TPTE: variants seen among roughly 807,000 people sequenced by gnomAD.
TPTE encodes the protein putative tyrosine-protein phosphatase TPTE.
A neutral mutation model predicts 84.1 loss-of-function variants in TPTE; 59 were observed. The ratio of observed to expected loss-of-function variants is 0.70; its 90% CI spans 0.57 to 0.87. The LOEUF is 0.87. TPTE is among the 40% of genes least tolerant of loss of function. The probability of loss-of-function intolerance (pLI) is 0.00; values close to 1 mark genes in which losing one functional copy is unlikely to be tolerated. For synonymous variants in TPTE, 130 were observed against 223.5 expected, an observed-to-expected ratio of 0.58 and a Z score of 3.73; for missense variants, 382 against 659.6, an observed-to-expected ratio of 0.58 and a Z score of 4.61.
intron 14 of TPTE, among the ~76,000 whole-genome samples, chr21:10,574,511 A>G (rs868323427): frequency 2.4e-3 from 364 of 151,668 alleles, no homozygotes; most frequent in African/African-American, 7.8e-3. Flanking sequence ...AAGATGGCCA[A>G]TTAGAAGCAG....
chr21:10,540,106 A>G (rs565678921), intron 4 of TPTE, among the ~76,000 whole-genome samples: 10 of 152,422 alleles, frequency 6.6e-5, no homozygotes, highest in Admixed American at 1.3e-4. Flanking sequence ...AGGAAGTTAC[A>G]TGTTGTCTTA....
intron 17 of TPTE, among the ~76,000 whole-genome samples, chr21:10,581,805 T>A (rs1180530693): frequency 1.3e-5 from 2 of 152,300 alleles, no homozygotes; most frequent in African/African-American, 4.8e-5. Flanking sequence ...CAATCTCGGC[T>A]CATTGCAGCC....
At chr21:10,534,454 TG>T (rs2074233333) in intron 3 of TPTE, among the ~76,000 whole-genome samples, 1 of 152,312 alleles carries the variant, frequency 6.6e-6, no homozygotes, top group African/African-American at 2.4e-5. Flanking sequence ...TTGTTTGTTT[TG>T]TTTTTTTTAG....
intron 8 of TPTE, among the ~76,000 whole-genome samples, chr21:10,557,866 A>G (rs1226503328): frequency 5.2e-5 from 8 of 152,428 alleles, no homozygotes; most frequent in Admixed American, 1.3e-4. Context: ...TATTAAGCTC[A>G]GTACCCAAAT....
intron 14 of TPTE, among the ~76,000 whole-genome samples, chr21:10,571,576 TA>T (rs1314025219): frequency 2.0e-5 from 3 of 152,306 alleles, no homozygotes; most frequent in African/African-American, 7.2e-5. Flanking sequence ...AACTATGAGA[TA>T]CAGAGAATTC....
rs373095461 is a variant in TPTE at position 10,605,493 on chromosome 21, G to A, written c.1597G>A (p.Val533Met). ...ARRIYPSDFA[V>M]EILFGEKMTS... is the part of the protein sequence containing the mutation. ...GAGAATTTATCCATCAGATTTTGCC[G>A]TGGAGATACTTTTTGGCGAGAAAAT... The change falls in exon 24 of 24, where the codon GTG becomes ATG. Residue 533 changes from valine (V) to methionine (M), a missense_variant. Physicochemically the swap from Val to Met is conservative, Grantham distance 21 (BLOSUM62 1). Around this residue, in one of 10 missense-constraint regions of TPTE, gnomAD observed 120 missense variants for 79.1 expected, o/e 1.52. Coordinates refer to ENST00000618007, the MANE Select transcript of TPTE (RefSeq NM_199261.4). The A allele has an allele frequency of 2.5e-5, 40 of 1,613,968 alleles. No homozygotes were observed. Among genetic ancestry groups the A allele is most frequent in the Non-Finnish European group, 2.8e-5 (33 of 1,179,916 alleles).
intron 6 of TPTE, 67 bp downstream of exon 6, chr21:10,542,515 CAT>C: frequency 6.3e-7 from 1 of 1,581,828 alleles, no homozygotes; most frequent in Non-Finnish European, 8.7e-7. Flanking sequence ...CACACAGGCA[CAT>C]GAGCAAGTAT....
At chr21:10,564,537 A>AAAAACC (rs1232303939) in intron 10 of TPTE, among the ~76,000 whole-genome samples, 1 of 152,294 alleles carries the variant, frequency 6.6e-6, no homozygotes, top group African/African-American at 2.4e-5. Flanking sequence ...AAACAAACCC[A>AAAAACC]AAAACCAAAA....
intron 3 of TPTE, among the ~76,000 whole-genome samples, chr21:10,532,250 T>G (rs2074191273): frequency 1.3e-5 from 2 of 152,308 alleles, no homozygotes; most frequent in South Asian, 4.1e-4. Context: ...TGTTAGTGTT[T>G]TATATCCGTC....
intron 14 of TPTE, 115 bp downstream of exon 14, chr21:10,570,664 G>A: frequency 6.5e-7 from 1 of 1,543,478 alleles, no homozygotes. Context: ...CTCTTTCAAG[G>A]AAAAAAAATC....
At chr21:10,605,286 A>C (rs527993732) in intron 23 of TPTE, 131 bp from the exon 24 acceptor site, 1 of 1,284,480 alleles carries the variant, frequency 7.8e-7, no homozygotes, top group East Asian at 2.6e-5. Context: ...ACTGAGACAC[A>C]AAAAAAGGGC....
chr21:10,599,511 C>T (rs1359160845), intron 21 of TPTE, among the ~76,000 whole-genome samples: 1 of 152,312 alleles, frequency 6.6e-6, no homozygotes, highest in African/African-American at 2.4e-5. Context: ...AATATCACAT[C>T]TCAAGTGTAA....
At chr21:10,531,342 AAG>A (rs2074175297) in intron 3 of TPTE, among the ~76,000 whole-genome samples, 1 of 152,308 alleles carries the variant, frequency 6.6e-6, no homozygotes, top group Non-Finnish European at 1.5e-5. Flanking sequence ...GTGGTTTAAA[AAG>A]AGACAAGCGG....
At chr21:10,537,404 C>T (rs1275017669) in intron 3 of TPTE, among the ~76,000 whole-genome samples, 15 of 152,424 alleles carry the variant, frequency 9.8e-5, no homozygotes, top group East Asian at 5.8e-4. Flanking sequence ...AGAGGCTGGC[C>T]GTGGTGGCTC....
At chr21:10,558,468 C>T (rs1408061712) in intron 8 of TPTE, among the ~76,000 whole-genome samples, 269 of 152,308 alleles carry the variant, frequency 1.8e-3, no homozygotes, top group African/African-American at 5.0e-3. Flanking sequence ...AATGGTATCT[C>T]ATTGTGGTTT....
chr21:10,549,811 G>C (rs1010318973), intron 7 of TPTE, among the ~76,000 whole-genome samples: 3 of 152,306 alleles, frequency 2.0e-5, no homozygotes, highest in South Asian at 4.1e-4. Flanking sequence ...TTGAGGGAGA[G>C]CTAGACATCT....
At chr21:10,589,794 C>T (rs1400864018) in intron 17 of TPTE, among the ~76,000 whole-genome samples, 1 of 152,312 alleles carries the variant, frequency 6.6e-6, no homozygotes, top group Admixed American at 6.5e-5. Flanking sequence ...ATTGTCCTCC[C>T]CAGGATCTGG....
chr21:10,544,550 A>G (rs2074430700), intron 7 of TPTE, among the ~76,000 whole-genome samples: 1 of 152,306 alleles, frequency 6.6e-6, no homozygotes, highest in African/African-American at 2.4e-5. Flanking sequence ...ATGCCAGACA[A>G]ATTTTTTGTA....
intron 11 of TPTE, among the ~76,000 whole-genome samples, chr21:10,568,445 G>T (rs1278688865): frequency 5.9e-5 from 9 of 152,306 alleles, no homozygotes; most frequent in Non-Finnish European, 1.3e-4. Context: ...GGAAACTAAA[G>T]AGTATATGAA....
Sources: gnomAD v4.1 joint callset for allele counts (sites outside exome capture counted in the v4.1 genomes callset) on GRCh38, gnomAD v4.1.1 for gene constraint, gnomAD v4.1.1 regional missense constraint, MANE v1.5 for transcripts, NCBI Gene and HGNC (gene_info 2026-07-23, HGNC 2026-07-21) for gene names.